CASP5: variants seen among roughly 807,000 people sequenced by gnomAD.
CASP5 encodes the protein caspase 5, also known as caspase-5.
In CASP5, 42 loss-of-function variants were observed where a neutral mutation model predicts 45.2. The observed-to-expected ratio is 0.93, with a 90% CI of 0.73 to 1.20. The LOEUF (loss-of-function observed/expected upper bound fraction) is 1.20. Ranked by LOEUF, CASP5 falls within the 50% of genes most tolerant of loss-of-function variation. CASP5 has a pLI of 0.00. For missense variants in CASP5, 512 were observed against 532.2 expected (o/e 0.96, Z 0.37); for synonymous variants, 209 against 186.2 (o/e 1.12, Z -1.00).
At chr11:105,014,090 A>G (rs1862475368) in intron 1 of CASP5, among the ~76,000 whole-genome samples, 1 of 152,132 alleles carries the variant, frequency 6.6e-6, no homozygotes, top group Non-Finnish European at 1.5e-5. Context: ...GAGTGTTCCT[A>G]TATCTAGATT....
chr11:104,997,257 A>G (rs1229306818), intron 8 of CASP5, 126 bp downstream of exon 8: 6 of 683,816 alleles, frequency 8.8e-6, no homozygotes, highest in African/African-American at 1.8e-5. Flanking sequence ...CCTGAATGAC[A>G]GAAATCAGGT....
At chr11:104,995,684 C>A in intron 9 of CASP5, 56 bp downstream of exon 9, 2 of 1,143,846 alleles carry the variant, frequency 1.7e-6, no homozygotes, top group South Asian at 1.3e-5. Context: ...CATTGAACTT[C>A]ACCACCGATA....
chr11:105,006,598 G>A (rs1004143938), intron 3 of CASP5, among the ~76,000 whole-genome samples: 5 of 152,196 alleles, frequency 3.3e-5, no homozygotes, highest in Non-Finnish European at 7.3e-5. Context: ...AAATGAGTCT[G>A]GAGCTCAGAT....
At chr11:104,997,661 T>C (rs1220182608) in intron 7 of CASP5, among the ~76,000 whole-genome samples, 169 bp from the exon 8 acceptor site, 1 of 152,156 alleles carries the variant, frequency 6.6e-6, no homozygotes, top group Non-Finnish European at 1.5e-5. Context: ...CTGGCAAAGG[T>C]TGAACAAAAA....
chr11:105,014,741 C>T (rs1184907661), intron 1 of CASP5, among the ~76,000 whole-genome samples: 1 of 152,020 alleles, frequency 6.6e-6, no homozygotes, highest in East Asian at 1.9e-4. Context: ...TGTGAGGGTA[C>T]CATTTTGAGG....
chr11:104,997,610 CCAAA>C (rs1327327562), intron 7 of CASP5, 118 bp from the exon 8 acceptor site: 23 of 569,668 alleles, frequency 4.0e-5, no homozygotes, highest in Middle Eastern at 4.5e-4. Flanking sequence ...TCCCTTATAA[CCAAA>C]CATTTACTTA....
intron 1 of CASP5, among the ~76,000 whole-genome samples, chr11:105,011,989 T>C (rs1331326332): frequency 6.6e-6 from 1 of 151,720 alleles, no homozygotes; most frequent in African/African-American, 2.4e-5. Context: ...CAAAGCATCC[T>C]TGAGTAAAGA....
chr11:105,015,982 A>T (rs1360832078), intron 1 of CASP5, among the ~76,000 whole-genome samples: 1 of 152,240 alleles, frequency 6.6e-6, no homozygotes, highest in Non-Finnish European at 1.5e-5. Flanking sequence ...ATGAATAAGT[A>T]TATTTTGAAA....
Position 104,997,431 on chromosome 11 carries a change from G to A in CASP5, c.1158C>T (p.Cys386=), listed in dbSNP as rs769404945. The A allele has an allele frequency of 5.7e-5, 92 of 1,613,156 alleles. No individual in the cohort carries two copies. The highest frequency in any genetic ancestry group is 7.1e-5 in the Non-Finnish European group (84 of 1,179,316). ...GGCAGCAGCAAGAATATTTCTGGAA[G>A]CATGTGATGAGTTCCGTAATGAAGA... is the stretch of plus-strand genomic sequence containing the variant. ...GSIFITELIT[C]FQKYSCCCHL... The change falls in exon 8 of 10, where the codon TGC becomes TGT. Residue 386 remains cysteine, a synonymous_variant. Coordinates refer to ENST00000260315, the MANE Select transcript of CASP5 (RefSeq NM_004347.5).
intron 1 of CASP5, among the ~76,000 whole-genome samples, chr11:105,020,407 C>A (rs1221373304): frequency 5.3e-5 from 8 of 150,608 alleles, no homozygotes; most frequent in African/African-American, 2.0e-4. Context: ...TCTAGAAAAC[C>A]CCATTGTCTC....
In CASP5 at chr11:104,997,264, A is replaced by G. The variant is rs937691337; in HGVS notation, c.1206+119T>C. ...TTTAAACACCTGAATGACAGAAATC[A>G]GGTGCCATACTACTTTTGCTTGCCT... On this transcript the variant is annotated intron_variant, in intron 8 of 9. Transcript: ENST00000260315. The G allele has an allele frequency of 1.7e-5, 12 of 701,634 alleles. No homozygotes were observed. In the Admixed American group the frequency reaches 2.1e-4, roughly 12 times the overall value. The allele number at this position is 701,634 out of a possible 1,614,324, so 43.5% of individuals were successfully genotyped here.
intron 1 of CASP5, among the ~76,000 whole-genome samples, chr11:105,015,752 C>CAAAA (rs34623702): frequency 1.3e-4 from 18 of 136,964 alleles, no homozygotes; most frequent in Non-Finnish European, 2.8e-4. Context: ...ATAAAATAGA[C>CAAAA]AAAAAAAAAA....
chr11:105,018,370 T>TAA (rs1217116551), intron 1 of CASP5, among the ~76,000 whole-genome samples: 2 of 151,816 alleles, frequency 1.3e-5, no homozygotes, highest in African/African-American at 4.8e-5. Flanking sequence ...GCAAATTGGA[T>TAA]AGAGTCAAGA....
At chr11:105,019,056 C>A (rs1266454441) in intron 1 of CASP5, among the ~76,000 whole-genome samples, 2 of 146,366 alleles carry the variant, frequency 1.4e-5, no homozygotes, top group Non-Finnish European at 3.0e-5. Flanking sequence ...TGAATGACTA[C>A]TGGGTACATA....
At chr11:104,994,400 C>A (rs763529476) in intron 9 of CASP5, 53 bp from the exon 10 acceptor site, 8 of 152,230 alleles carry the variant, frequency 5.3e-5, no homozygotes, top group Non-Finnish European at 1.0e-4. Context: ...TCACTGCCTT[C>A]ATCCCATCCT....
intron 1 of CASP5, among the ~76,000 whole-genome samples, chr11:105,016,362 A>G (rs1345216413): frequency 6.6e-6 from 1 of 152,176 alleles, no homozygotes; most frequent in South Asian, 2.1e-4. Context: ...GAGCGAGCAG[A>G]AGACGGGTGA....
At chr11:105,017,453 G>T (rs1316496573) in intron 1 of CASP5, among the ~76,000 whole-genome samples, 1 of 151,976 alleles carries the variant, frequency 6.6e-6, no homozygotes, top group East Asian at 1.9e-4. Context: ...ATACAGAGAA[G>T]TGCTTAAAGG....
intron 1 of CASP5, among the ~76,000 whole-genome samples, chr11:105,009,758 T>TATATACAC (rs1555079440): frequency 1.1e-5 from 1 of 90,276 alleles, no homozygotes; most frequent in African/African-American, 4.3e-5. Context: ...TATATATATA[T>TATATACAC]ACACACACAC....
At chr11:105,000,595 G>A (rs45613137) in intron 5 of CASP5, 100 bp from the exon 6 acceptor site, 98,463 of 1,061,204 alleles carry the variant, frequency 0.093, 5,089 homozygotes, top group Middle Eastern at 0.12. Context: ...TGTAACATCC[G>A]GGTCGTGGTG....
Sources: gnomAD v4.1 joint callset for allele counts (sites outside exome capture counted in the v4.1 genomes callset) on GRCh38, gnomAD v4.1.1 for gene constraint, MANE v1.5 for transcripts, NCBI Gene and HGNC (gene_info 2026-07-23, HGNC 2026-07-21) for gene names.